Variants in NRAP observed in about 807,000 individuals in gnomAD.
NRAP encodes nebulin related anchoring protein, also known as nebulin-related-anchoring protein.
In NRAP, 189 loss-of-function variants were observed where a neutral mutation model predicts 225.9. The observed-to-expected ratio is 0.84, with a 90% CI of 0.74 to 0.94. The LOEUF is 0.94. Among genes scored for constraint, NRAP ranks in the 40% least tolerant of loss-of-function variants. NRAP has a pLI of 0.00. For synonymous variants in NRAP, 769 were observed against 790.7 expected, an observed-to-expected ratio of 0.97 and a Z score of 0.46; for missense variants, 2,176 against 2,168.7, an observed-to-expected ratio of 1.00 and a Z score of -0.07.
At chr10:113,662,801 G>A (rs1464448993) in intron 2 of NRAP, 35 bp from the exon 3 acceptor site, 2 of 1,077,050 alleles carry the variant, frequency 1.9e-6, no homozygotes, top group Non-Finnish European at 2.8e-6. Context: ...AATTAGAAAT[G>A]TACTTTATCC....
At position 113,615,769 on chromosome 10, in the gene NRAP, C is replaced by T. The variant is rs11196397; in HGVS notation, c.3021G>A (p.Pro1007=). 14 of 1,610,442 alleles carry T rather than the reference C, an allele frequency of 8.7e-6. No homozygotes were observed. The highest frequency in any genetic ancestry group is 4.4e-5 in the South Asian group (4 of 90,990). The change falls in exon 27 of 42, where the codon CCG becomes CCA. Residue 1007 remains proline (P), a synonymous_variant. Coordinates refer to ENST00000359988, the MANE Select transcript of NRAP (RefSeq NM_198060.4). The part of the protein sequence containing the change: ...QGENIKHHYT[P]TADLPEVLLA... Reference sequence around the variant, plus strand: ...GCAGGACTTCAGGGAGGTCAGCAGTCGGTGTGTAATGATGCTTTATGTTTT... The same window carrying T: ...GCAGGACTTCAGGGAGGTCAGCAGTTGGTGTGTAATGATGCTTTATGTTTT...
At chr10:113,632,890 T>C (rs1848650911) in intron 16 of NRAP, among the ~76,000 whole-genome samples, 194 bp downstream of exon 16, 1 of 152,234 alleles carries the variant, frequency 6.6e-6, no homozygotes, top group Admixed American at 6.5e-5. Flanking sequence ...TGGGAATAAA[T>C]GGCTATGACC....
chr10:113,649,984 A>T, intron 9 of NRAP, 53 bp downstream of exon 9: 5 of 1,024,664 alleles, frequency 4.9e-6, no homozygotes, highest in Non-Finnish European at 7.8e-6. Context: ...GTCACAGCCT[A>T]GAATGGGCCA....
At chr10:113,644,470 G>C (rs1365440986) in intron 11 of NRAP, among the ~76,000 whole-genome samples, 1 of 152,186 alleles carries the variant, frequency 6.6e-6, no homozygotes, top group Non-Finnish European at 1.5e-5. Context: ...CTCCAAAGCA[G>C]CCACAGATAA....
At position 113,589,228 on chromosome 10, in the gene NRAP, A is replaced by G. The variant is rs886046748; in HGVS notation, c.5089-149T>C. On this transcript the variant is annotated intron_variant, in intron 41 of 41. Transcript: ENST00000359988. ...TTTCCCCTCTTCTACCCTCCCCAAG[A>G]AAAAGGGCCTTCAAGGCAGGAATGA... is the stretch of plus-strand genomic sequence containing the variant. The G allele has an allele frequency of 2.2e-5, 14 of 625,958 alleles. No homozygotes were observed. Among genetic ancestry groups the G allele is most frequent in the Non-Finnish European group, 3.6e-5 (13 of 364,804 alleles). The allele number at this position is 625,958 out of a possible 1,614,324, so 38.8% of individuals were successfully genotyped here.
intron 14 of NRAP, among the ~76,000 whole-genome samples, chr10:113,636,547 T>C (rs867640742): frequency 1.2e-4 from 19 of 152,206 alleles, no homozygotes; most frequent in African/African-American, 3.9e-4. Context: ...GAGAGGACTA[T>C]GGCAAAGAGA....
Position 113,608,420 on chromosome 10 carries a change from C to A in NRAP, c.3696G>T (p.Thr1232=). The A allele has an allele frequency of 6.2e-7, 1 of 1,604,960 alleles. No homozygotes were observed. The highest frequency in any genetic ancestry group is 1.1e-5 in the South Asian group (1 of 90,530). The change falls in exon 32 of 42, where the codon ACG becomes ACT. Residue 1232 remains threonine, a synonymous_variant. Transcript: ENST00000359988. ...LLHAKFSNQI[T]NERLYKAAGE... ...AGCCATCAGGAGATTTTACCTCATT[C>A]GTTATCTGGTTGCTGAATTTCGCAT...
At position 113,629,803 on chromosome 10, in the gene NRAP, A is replaced by G. The variant is rs1848484097; in HGVS notation, c.1843-18T>C. The G allele has an allele frequency of 1.7e-5, 26 of 1,571,702 alleles. No homozygotes were observed. The highest frequency in any genetic ancestry group is 1.9e-5 in the Non-Finnish European group (22 of 1,141,658). On this transcript the variant is annotated intron_variant, in intron 18 of 41. Coordinates refer to ENST00000359988, the MANE Select transcript of NRAP (RefSeq NM_198060.4). ...TATTCAACCTTGAATATACCAAAAC[A>G]AGGCCCGTTTTGTTAGTTGAAGCCC...
At chr10:113,638,889 C>T (rs941710815) in intron 14 of NRAP, among the ~76,000 whole-genome samples, 1 of 152,044 alleles carries the variant, frequency 6.6e-6, no homozygotes, top group African/African-American at 2.4e-5. Context: ...ATCAGACTTC[C>T]CCGGGTGGGC....
rs114880469 is a variant in NRAP, at chr10:113,649,775, T to C, written c.888+262A>G. Reference sequence around the variant, plus strand: ...TCAATGGACAGATAGGAATGCTTTCTTCTTGGCCAAGCCACCATATTGGTA... The same window carrying C: ...TCAATGGACAGATAGGAATGCTTTCCTCTTGGCCAAGCCACCATATTGGTA... On this transcript the variant is annotated intron_variant, in intron 9 of 41. Transcript: ENST00000359988. Among the ~76,000 whole-genome samples, 815 of 152,336 alleles carry C rather than the reference T, an allele frequency of 5.4e-3. 11 individuals carry two copies. Among genetic ancestry groups the C allele is most frequent in the African/African-American group, 0.018 (747 of 41,568 alleles).
Position 113,622,028 on chromosome 10 carries a change from T to G in NRAP, c.2610A>C (p.Gln870His), listed in dbSNP as rs542790069. ...GGACCATGTCCAGGGAGACGTGGCATTGGGATTTGGTGTCCTCGAATCCCT... is the reference window on the plus strand; with the variant it reads ...GGACCATGTCCAGGGAGACGTGGCAGTGGGATTTGGTGTCCTCGAATCCCT... ...YKKGFEDTKS[Q>H]CHVSLDMVHL... Residue 870 changes from glutamine (Q) to histidine (H), a missense_variant, in exon 24 of 42, where the codon CAA becomes CAC. Gln to His is a conservative substitution (Grantham distance 24, BLOSUM62 0). This residue lies in a region of NRAP where 1,708 missense variants were observed against 1,695.5 expected (regional missense o/e 1.01). Transcript: ENST00000359988. The G allele has an allele frequency of 6.2e-7, 1 of 1,614,222 alleles. No individual in the cohort carries two copies.
chr10:113,629,288 T>G (rs1848449844), intron 19 of NRAP, among the ~76,000 whole-genome samples: 1 of 152,204 alleles, frequency 6.6e-6, no homozygotes, highest in Admixed American at 6.5e-5. Flanking sequence ...AGGGCCTTTT[T>G]TTTGCCAACC....
At chr10:113,592,138 G>A (rs995091258) in intron 39 of NRAP, 56 bp downstream of exon 39, 2 of 1,143,818 alleles carry the variant, frequency 1.7e-6, no homozygotes, top group Non-Finnish European at 2.5e-6. Context: ...CAACAGAACT[G>A]GGAAAACCAG....
Position 113,624,998 on chromosome 10 carries a change from T to C in NRAP, c.2245-68A>G, listed in dbSNP as rs370448508. 29 of 902,514 alleles carry C rather than the reference T, an allele frequency of 3.2e-5. No homozygotes were observed. In the South Asian group the frequency reaches 3.7e-4, roughly 12 times the overall value. 55.9% of individuals were successfully genotyped at this position (902,514 alleles called of 1,614,324 possible). ...GAGGTGGGCAGGGTGGCATCCCTCA[T>C]GGTGTCTCTGTCTGGTTGGCACTTC... On this transcript the variant is annotated intron_variant, in intron 21 of 41. Coordinates refer to ENST00000359988, the MANE Select transcript of NRAP (RefSeq NM_198060.4).
intron 30 of NRAP, among the ~76,000 whole-genome samples, chr10:113,611,329 C>A (rs1046651700): frequency 1.1e-4 from 17 of 152,220 alleles, no homozygotes; most frequent in African/African-American, 3.9e-4. Flanking sequence ...ACACCCAGAT[C>A]TGAGTGCCGC....
intron 38 of NRAP, among the ~76,000 whole-genome samples, 196 bp downstream of exon 38, chr10:113,595,427 G>T (rs139817910): frequency 2.0e-5 from 3 of 152,150 alleles, no homozygotes; most frequent in Non-Finnish European, 4.4e-5. Context: ...TTACCATTTT[G>T]CAGATAAAAA....
intron 13 of NRAP, 70 bp from the exon 14 acceptor site, chr10:113,640,401 C>T: frequency 1.2e-6 from 1 of 844,548 alleles, no homozygotes; most frequent in Non-Finnish European, 1.9e-6. Context: ...GTTTGAATGC[C>T]ATAAGAAATA....
At chr10:113,651,780 G>A in intron 7 of NRAP, 23 bp downstream of exon 7, 1 of 1,465,192 alleles carries the variant, frequency 6.8e-7, no homozygotes, top group Non-Finnish European at 9.6e-7. Context: ...ATCAGTGATG[G>A]ACTGGCCTCC....
chr10:113,615,759 G>A lies in NRAP; in HGVS notation c.3031C>T (p.Leu1011Phe), dbSNP rs147513828. 11 of 1,612,058 alleles carry A rather than the reference G, an allele frequency of 6.8e-6. No homozygotes were observed. The highest frequency in any genetic ancestry group is 1.6e-4 in the Middle Eastern group (1 of 6,080). The change falls in exon 27 of 42, where the codon CTC becomes TTC. Residue 1011 changes from leucine (L) to phenylalanine (F), a missense_variant. Coordinates refer to ENST00000359988, the MANE Select transcript of NRAP (RefSeq NM_198060.4). ...AGCTTGGCCAGCAGGACTTCAGGGA[G>A]GTCAGCAGTCGGTGTGTAATGATGC... Reference protein sequence around the residue: ...IKHHYTPTADLPEVLLAKLNA... With the variant: ...IKHHYTPTADFPEVLLAKLNA...
Sources: gnomAD v4.1 joint callset for allele counts (sites outside exome capture counted in the v4.1 genomes callset) on GRCh38, gnomAD v4.1.1 for gene constraint, gnomAD v4.1.1 regional missense constraint, MANE v1.5 for transcripts, NCBI Gene and HGNC (gene_info 2026-07-23, HGNC 2026-07-21) for gene names.